The following ADAMTS12 variants were observed in gnomAD, a reference collection of about 807,000 sequenced individuals.
ADAMTS12 encodes ADAM metallopeptidase with thrombospondin type 1 motif 12, also known as A disintegrin and metalloproteinase with thrombospondin motifs 12.
Under a neutral mutation model 167.8 loss-of-function variants are expected in ADAMTS12, and 118 were observed. The ratio of observed to expected loss-of-function variants is 0.70; its 90% CI spans 0.61 to 0.82. The LOEUF is 0.82. Among genes scored for constraint, ADAMTS12 ranks in the 40% least tolerant of loss-of-function variants. ADAMTS12 has a pLI of 0.00. For missense variants in ADAMTS12, 1,916 were observed against 1,998.8 expected, an observed-to-expected ratio of 0.96 and a Z score of 0.79; for synonymous variants, 704 against 716.9, an observed-to-expected ratio of 0.98 and a Z score of 0.29.
At chr5:33,610,435 T>G (rs1488432908) in intron 16 of ADAMTS12, among the ~76,000 whole-genome samples, 1 of 152,146 alleles carries the variant, frequency 6.6e-6, no homozygotes, top group Non-Finnish European at 1.5e-5. Flanking sequence ...TGACCTAACC[T>G]TGAACTACCT....
At chr5:33,709,754 G>A (rs1743327806) in intron 3 of ADAMTS12, among the ~76,000 whole-genome samples, 2 of 152,134 alleles carry the variant, frequency 1.3e-5, no homozygotes, top group Non-Finnish European at 2.9e-5. Flanking sequence ...GCTAATGCAT[G>A]CTGCGCTTAA....
intron 23 of ADAMTS12, among the ~76,000 whole-genome samples, chr5:33,534,620 T>TA (rs1239599030): frequency 6.6e-6 from 1 of 151,870 alleles, no homozygotes; most frequent in Non-Finnish European, 1.5e-5. Context: ...ATAATAATAA[T>TA]AAAAAAAGAA....
chr5:33,753,836 T>C (rs1745081151), intron 2 of ADAMTS12, among the ~76,000 whole-genome samples: 1 of 152,164 alleles, frequency 6.6e-6, no homozygotes, highest in Non-Finnish European at 1.5e-5. Context: ...AAATCACCTA[T>C]TCAACCTCAA....
At chr5:33,616,898 G>A (rs1739048551) in intron 14 of ADAMTS12, among the ~76,000 whole-genome samples, 2 of 152,196 alleles carry the variant, frequency 1.3e-5, no homozygotes, top group Non-Finnish European at 2.9e-5. Flanking sequence ...GGTTGCCAGT[G>A]TTTGCCAAGC....
rs536474964 is a variant in ADAMTS12, at chr5:33,869,356, A to C, written c.489+11763T>G. Reference sequence around the variant, plus strand: ...CTGGGGACCTCCACCCAGACTTCAGAGGATGTATGAAAATGCCTGGATGTC... The same window carrying C: ...CTGGGGACCTCCACCCAGACTTCAGCGGATGTATGAAAATGCCTGGATGTC... On this transcript the variant is annotated intron_variant, in intron 2 of 23. Coordinates refer to ENST00000504830, the MANE Select transcript of ADAMTS12 (RefSeq NM_030955.4). Among the ~76,000 whole-genome samples the C allele has an allele frequency of 4.6e-5, 7 of 152,012 alleles. No homozygotes were observed. The South Asian group carries it at 1.5e-3, about 32-fold the overall frequency.
intron 4 of ADAMTS12, 92 bp downstream of exon 4, chr5:33,683,767 G>C: frequency 1.1e-6 from 1 of 946,152 alleles, no homozygotes; most frequent in African/African-American, 1.7e-5. Flanking sequence ...AAGTTAAAAG[G>C]ACCCCAAAAA....
chr5:33,576,400 C>G lies in ADAMTS12; in HGVS notation c.3626G>C (p.Trp1209Ser). 6.2e-7 allele frequency: 1 copy of G among 1,613,940 alleles called. No homozygotes were observed. The highest frequency in any genetic ancestry group is 8.5e-7 in the Non-Finnish European group (1 of 1,179,894). The change falls in exon 19 of 24, where the codon TGG (tryptophan) becomes TCG (serine). Residue 1209 changes from tryptophan to serine, a missense_variant. Trp to Ser is a radical substitution (Grantham distance 177). Coordinates refer to ENST00000504830, the MANE Select transcript of ADAMTS12 (RefSeq NM_030955.4). ...PLTPDLSRESWWPPFSTVMEG... is the reference protein window; with the variant it reads ...PLTPDLSRESSWPPFSTVMEG... ...CATTACTGTGCTGAAGGGTGGCCAC[C>G]AGGACTCCCTGCTGAGATCTGGTGT... is the stretch of plus-strand genomic sequence containing the variant.
intron 19 of ADAMTS12, among the ~76,000 whole-genome samples, chr5:33,566,346 C>G (rs1233672401): frequency 6.6e-6 from 1 of 152,066 alleles, no homozygotes; most frequent in Non-Finnish European, 1.5e-5. Flanking sequence ...GGCACCTGTT[C>G]CTATCTACTC....
intron 16 of ADAMTS12, among the ~76,000 whole-genome samples, chr5:33,608,485 T>A (rs1222254452): frequency 6.6e-6 from 1 of 152,178 alleles, no homozygotes; most frequent in South Asian, 2.1e-4. Context: ...AAGAGAATCA[T>A]CACTTATCAC....
chr5:33,635,416 CAG>C (rs1346400569), intron 12 of ADAMTS12, among the ~76,000 whole-genome samples: 4 of 152,114 alleles, frequency 2.6e-5, no homozygotes, highest in Non-Finnish European at 5.9e-5. Flanking sequence ...GATGAGGCTG[CAG>C]AGTCAGGCAT....
intron 3 of ADAMTS12, among the ~76,000 whole-genome samples, chr5:33,696,108 G>T (rs1430773337): frequency 4.6e-5 from 7 of 152,060 alleles, no homozygotes; most frequent in African/African-American, 1.4e-4. Flanking sequence ...TAAAATCAGG[G>T]TTTTCTGACT....
At chr5:33,869,210 C>G (rs542920985) in intron 2 of ADAMTS12, among the ~76,000 whole-genome samples, 1 of 152,252 alleles carries the variant, frequency 6.6e-6, no homozygotes, top group East Asian at 1.9e-4. Context: ...CTAGCTCCAG[C>G]CATGGCTAAA....
chr5:33,684,156 TAATAATATAAACGC>T, intron 3 of ADAMTS12, 101 bp from the exon 4 acceptor site: 1 of 900,116 alleles, frequency 1.1e-6, no homozygotes, highest in Non-Finnish European at 1.5e-6. Flanking sequence ...AATTTACATT[TAATAATATAAACGC>T]AATGTTTTTA....
At chr5:33,883,344 T>TG in intron 1 of ADAMTS12, among the ~76,000 whole-genome samples, 2 of 142,762 alleles carry the variant, frequency 1.4e-5, no homozygotes, top group South Asian at 2.3e-4. Context: ...TTTTTTTTGT[T>TG]TTTTTTTTTT....
At chr5:33,737,577 AT>A (rs1324949472) in intron 3 of ADAMTS12, among the ~76,000 whole-genome samples, 4 of 152,148 alleles carry the variant, frequency 2.6e-5, no homozygotes, top group African/African-American at 9.7e-5. Context: ...TGTTATATGT[AT>A]TTTACCACAA....
At chr5:33,846,419 C>T (rs988195352) in intron 2 of ADAMTS12, among the ~76,000 whole-genome samples, 3 of 152,236 alleles carry the variant, frequency 2.0e-5, no homozygotes, top group Non-Finnish European at 4.4e-5. Flanking sequence ...ACTTGAAATG[C>T]TGTAATAGCC....
chr5:33,751,221 G>T, intron 3 of ADAMTS12, 183 bp downstream of exon 3: 1 of 740,152 alleles, frequency 1.4e-6, no homozygotes, highest in Non-Finnish European at 2.2e-6. Flanking sequence ...GTTTATACAA[G>T]CAAAAAGAAT....
intron 5 of ADAMTS12, among the ~76,000 whole-genome samples, chr5:33,670,696 C>T (rs1297672691): frequency 6.6e-6 from 1 of 152,096 alleles, no homozygotes; most frequent in Non-Finnish European, 1.5e-5. Context: ...GGGCCGAGAT[C>T]GTGCCACTGC....
At chr5:33,713,434 C>T (rs945831046) in intron 3 of ADAMTS12, among the ~76,000 whole-genome samples, 1 of 152,102 alleles carries the variant, frequency 6.6e-6, no homozygotes, top group Non-Finnish European at 1.5e-5. Flanking sequence ...TTTAAAAATA[C>T]ATATTTAAAA....
Sources: allele counts gnomAD v4.1 joint callset (sites outside exome capture counted in the v4.1 genomes callset), GRCh38; gene constraint gnomAD v4.1.1; transcripts MANE v1.5; gene names NCBI Gene and HGNC (gene_info 2026-07-23, HGNC 2026-07-21).